DGKI: variants seen among roughly 807,000 people sequenced by gnomAD.
DGKI encodes diacylglycerol kinase iota.
Under a neutral mutation model 147.5 loss-of-function variants are expected in DGKI, and 55 were observed. That is an observed-to-expected ratio of 0.37 (90% CI 0.30 to 0.47). DGKI has a LOEUF of 0.47. Ranked by LOEUF, DGKI falls within the 20% of genes least tolerant of loss-of-function variation. The pLI is 1.00. For synonymous variants in DGKI, 469 were observed against 477.1 expected (o/e 0.98, Z 0.22); for missense variants, 1,007 against 1,323.8 (o/e 0.76, Z 3.71).
intron 23 of DGKI, among the ~76,000 whole-genome samples, chr7:137,474,828 T>G (rs879284473): frequency 6.6e-6 from 1 of 152,136 alleles, no homozygotes. Flanking sequence ...CACACCAGCT[T>G]TGAGAGGCAC....
At position 137,577,123 on chromosome 7, in the gene DGKI, T is replaced by C. The variant is rs967040469; in HGVS notation, c.1761+99A>G. The C allele has an allele frequency of 6.0e-6, 5 of 828,952 alleles. No individual in the cohort carries two copies. In the Admixed American group the frequency reaches 8.6e-5, roughly 14 times the overall value. 51.3% of individuals were successfully genotyped at this position (828,952 alleles called of 1,614,324 possible). On this transcript the variant is annotated intron_variant, in intron 17 of 32. Transcript: ENST00000614521. Reference sequence around the variant, plus strand: ...ACACAAAATGATCTCCAAAGTTCTATGCAGTCCAGTGATTCAATATATAAA... The same window carrying C: ...ACACAAAATGATCTCCAAAGTTCTACGCAGTCCAGTGATTCAATATATAAA...
In DGKI at chr7:137,476,710, T is replaced by C. The variant is rs569945205; in HGVS notation, c.2374-7091A>G. On this transcript the variant is annotated intron_variant, in intron 23 of 32. Transcript: ENST00000614521. ...TAATCTAGCTCCTACCTACCTCTCC[T>C]GCAATCCACCCCACTATTCTTCCTG... 2.6e-5 allele frequency among the ~76,000 whole-genome samples: 4 copies of C among 152,318 alleles called. No individual in the cohort carries two copies. The East Asian group carries it at 7.7e-4, about 29-fold the overall frequency.
At chr7:137,640,502 C>G (rs1563127157) in intron 6 of DGKI, among the ~76,000 whole-genome samples, 1 of 152,182 alleles carries the variant, frequency 6.6e-6, no homozygotes, top group Non-Finnish European at 1.5e-5. Flanking sequence ...CACAAACACA[C>G]AGACAGGCAA....
intron 6 of DGKI, among the ~76,000 whole-genome samples, chr7:137,641,895 C>T (rs1821640318): frequency 6.6e-6 from 1 of 152,184 alleles, no homozygotes; most frequent in South Asian, 2.1e-4. Context: ...TGGATGTTTG[C>T]TTCCCTCAAA....
intron 19 of DGKI, among the ~76,000 whole-genome samples, chr7:137,562,851 A>G (rs1269225978): frequency 6.6e-6 from 1 of 152,172 alleles, no homozygotes; most frequent in Non-Finnish European, 1.5e-5. Context: ...AAAAAATCAT[A>G]GTACCAGTCT....
chr7:137,548,049 A>T (rs925469127), intron 20 of DGKI, among the ~76,000 whole-genome samples: 5 of 152,190 alleles, frequency 3.3e-5, no homozygotes, highest in African/African-American at 1.2e-4. Context: ...AGGTCTGCAA[A>T]GCTAAGGAAC....
intron 1 of DGKI, among the ~76,000 whole-genome samples, chr7:137,836,238 G>A (rs907860128): frequency 6.6e-5 from 10 of 152,150 alleles, no homozygotes; most frequent in Non-Finnish European, 1.5e-4. Context: ...TTTTGAAGTA[G>A]AGGTTTATTT....
In DGKI at chr7:137,424,500, C is replaced by T. The variant is rs538968676; in HGVS notation, c.2762-12293G>A. 5.3e-5 allele frequency among the ~76,000 whole-genome samples: 8 copies of T among 152,162 alleles called. No homozygotes were observed. The South Asian group carries it at 1.0e-3, about 20-fold the overall frequency. On this transcript the variant is annotated intron_variant, in intron 28 of 32. Transcript: ENST00000614521. ...ATTTCTGCATTTCCATCTGAGGTACCGGGTTCATCTCACTAGGGAATGCCA... is the reference window on the plus strand; with the variant it reads ...ATTTCTGCATTTCCATCTGAGGTACTGGGTTCATCTCACTAGGGAATGCCA...
At chr7:137,613,345 G>T (rs1820430358) in intron 8 of DGKI, among the ~76,000 whole-genome samples, 1 of 152,196 alleles carries the variant, frequency 6.6e-6, no homozygotes, top group South Asian at 2.1e-4. Flanking sequence ...GGGAACAAAG[G>T]CTGCTCTGAG....
chr7:137,695,046 C>CA (rs1231796043), intron 1 of DGKI, among the ~76,000 whole-genome samples: 19 of 152,252 alleles, frequency 1.2e-4, no homozygotes, highest in Non-Finnish European at 2.8e-4. Flanking sequence ...TTGAGTCACT[C>CA]AAAAAATCAC....
At chr7:137,517,629 G>C (rs1816826519) in intron 21 of DGKI, among the ~76,000 whole-genome samples, 1 of 152,100 alleles carries the variant, frequency 6.6e-6, no homozygotes, top group Non-Finnish European at 1.5e-5. Context: ...AAAAACTGGG[G>C]GAGGAATGCA....
At chr7:137,811,386 A>T (rs9640911) in intron 1 of DGKI, among the ~76,000 whole-genome samples, 3,773 of 34,682 alleles carry the variant, frequency 0.11, 72 homozygotes, top group African/African-American at 0.23. Context: ...TCTCTCTCTC[A>T]CACACACACA....
At chr7:137,676,459 C>G (rs987104464) in intron 3 of DGKI, among the ~76,000 whole-genome samples, 33 of 152,018 alleles carry the variant, frequency 2.2e-4, no homozygotes, top group African/African-American at 8.0e-4. Context: ...TATGTATCAT[C>G]TCACCAAACC....
intron 27 of DGKI, among the ~76,000 whole-genome samples, chr7:137,448,085 T>C (rs62490460): frequency 1.3e-5 from 2 of 152,164 alleles, no homozygotes; most frequent in Non-Finnish European, 2.9e-5. Flanking sequence ...ATTTTGATTT[T>C]AGTCAGCTAA....
chr7:137,764,741 G>A (rs1040684565), intron 1 of DGKI, among the ~76,000 whole-genome samples: 2 of 152,144 alleles, frequency 1.3e-5, no homozygotes, highest in Non-Finnish European at 2.9e-5. Context: ...TGGTTTGAAA[G>A]ATAATACAGT....
At chr7:137,518,466 A>G (rs1816855582) in intron 21 of DGKI, among the ~76,000 whole-genome samples, 1 of 152,084 alleles carries the variant, frequency 6.6e-6, no homozygotes, top group East Asian at 1.9e-4. Flanking sequence ...TATATTATGC[A>G]TTACATGTTA....
At chr7:137,632,227 G>A (rs767698142) in intron 6 of DGKI, among the ~76,000 whole-genome samples, 1 of 152,172 alleles carries the variant, frequency 6.6e-6, no homozygotes, top group Non-Finnish European at 1.5e-5. Context: ...AAGACATCAA[G>A]AATGGATGAT....
chr7:137,452,328 G>A (rs1814000736), intron 27 of DGKI, among the ~76,000 whole-genome samples: 1 of 152,182 alleles, frequency 6.6e-6, no homozygotes, highest in African/African-American at 2.4e-5. Flanking sequence ...AGAGGTGGGA[G>A]ACACTCATCC....
intron 12 of DGKI, among the ~76,000 whole-genome samples, chr7:137,587,846 T>A (rs145666245): frequency 3.9e-5 from 6 of 152,218 alleles, no homozygotes; most frequent in Non-Finnish European, 8.8e-5. Context: ...TGGACAGACC[T>A]AGTACCTATT....
Sources: allele counts gnomAD v4.1 joint callset (sites outside exome capture counted in the v4.1 genomes callset), GRCh38; gene constraint gnomAD v4.1.1; transcripts MANE v1.5; gene names NCBI Gene and HGNC (gene_info 2026-07-23, HGNC 2026-07-21).